Variants in SH3BGR observed in about 807,000 individuals in gnomAD.
SH3BGR encodes SH3 domain-binding glutamic acid-rich protein.
A neutral mutation model predicts 24.5 loss-of-function variants in SH3BGR; 29 were observed. The observed-to-expected ratio is 1.18, with a 90% CI of 0.88 to 1.61. The LOEUF (loss-of-function observed/expected upper bound fraction) is 1.61, where lower values mean the gene tolerates loss of function less well. SH3BGR is among the 40% of genes most tolerant of loss of function. SH3BGR has a pLI of 0.00. For synonymous variants in SH3BGR, 55 were observed against 65.7 expected (o/e 0.84, Z 0.79); for missense variants, 162 against 205.8 (o/e 0.79, Z 1.30).
In SH3BGR at chr21:39,515,486, A is replaced by C. The variant is rs1262387633; in HGVS notation, c.*433A>C. 1.9e-5 allele frequency: 3 copies of C among 154,100 alleles called. No individual in the cohort carries two copies. The highest frequency in any genetic ancestry group is 6.5e-5 in the Admixed American group (1 of 15,316). 9.5% of individuals were successfully genotyped at this position (154,100 alleles called of 1,614,324 possible). Reference sequence around the variant, plus strand: ...TGCTTTCCAGAGAACCATCATATAAATAAAGATTAATAGAAAAATATCTTG... The same window carrying C: ...TGCTTTCCAGAGAACCATCATATAACTAAAGATTAATAGAAAAATATCTTG... On this transcript the variant is annotated 3_prime_UTR_variant, in exon 7 of 7. Transcript: ENST00000333634.
At chr21:39,514,559 A>G (rs949735353) in intron 6 of SH3BGR, among the ~76,000 whole-genome samples, 63 of 151,982 alleles carry the variant, frequency 4.1e-4, no homozygotes, top group African/African-American at 1.5e-3. Flanking sequence ...ATGGGGTTTC[A>G]CCATGTTGCC....
chr21:39,495,309 A>C (rs530306227), intron 3 of SH3BGR, among the ~76,000 whole-genome samples: 1 of 152,124 alleles, frequency 6.6e-6, no homozygotes, highest in African/African-American at 2.4e-5. Flanking sequence ...GAGATTCTGT[A>C]TTTTGTTACA....
At chr21:39,488,505 A>G in intron 3 of SH3BGR, 1 of 354,726 alleles carries the variant, frequency 2.8e-6, no homozygotes, top group Non-Finnish European at 4.6e-6. Context: ...TGATGAGATG[A>G]ATGTGAAGGT....
chr21:39,500,766 C>T (rs1345794660), intron 4 of SH3BGR, among the ~76,000 whole-genome samples: 1 of 152,080 alleles, frequency 6.6e-6, no homozygotes, highest in Non-Finnish European at 1.5e-5. Flanking sequence ...TTTATGAGAG[C>T]TGGATCCTCA....
chr21:39,447,577 G>T (rs1011010481), upstream of SH3BGR, among the ~76,000 whole-genome samples: 2 of 151,810 alleles, frequency 1.3e-5, no homozygotes, highest in Non-Finnish European at 2.9e-5. Context: ...CACAACACCC[G>T]GCTAATTCTT....
chr21:39,504,430 C>T (rs1054902009), intron 4 of SH3BGR, among the ~76,000 whole-genome samples: 8 of 152,180 alleles, frequency 5.3e-5, no homozygotes, highest in African/African-American at 1.9e-4. Flanking sequence ...GCCACCTGTT[C>T]CCAGTGAACG....
In SH3BGR at chr21:39,511,049, C is replaced by T. The variant is rs2078683669; in HGVS notation, c.436-631C>T. ...ATAAAACCTGTTAGGATTAACATAT[C>T]ATTCTAAAGCACCATTCTAAATTGA... On this transcript the variant is annotated intron_variant, in intron 5 of 6. Transcript: ENST00000333634. This position sits in a 1 kb window ranked among gnomAD's most constrained non-coding sequence, Gnocchi z 4.2. Among the ~76,000 whole-genome samples the T allele has an allele frequency of 6.7e-6, 1 of 150,054 alleles. No homozygotes were observed. The highest frequency in any genetic ancestry group is 2.4e-5 in the African/African-American group (1 of 40,932).
upstream of SH3BGR, among the ~76,000 whole-genome samples, chr21:39,450,982 T>A (rs1198789964): frequency 6.6e-6 from 1 of 151,986 alleles, no homozygotes; most frequent in Admixed American, 6.6e-5. Flanking sequence ...CTGGCTGTTT[T>A]TTTTTGTGTT....
chr21:39,509,142 C>T lies in SH3BGR; in HGVS notation c.435+115C>T, dbSNP rs1036054006. On this transcript the variant is annotated intron_variant, in intron 5 of 6. Coordinates refer to ENST00000333634, the MANE Select transcript of SH3BGR (RefSeq NM_007341.3). ...AATAACATAAGAGAGCGATGCAACC[C>T]ACACACCCAGAAAATCCTCCTTTAA... 3.7e-5 allele frequency: 27 copies of T among 724,862 alleles called. No homozygotes were observed. In the South Asian group the frequency reaches 5.2e-4, roughly 14 times the overall value. 44.9% of individuals were successfully genotyped at this position (724,862 alleles called of 1,614,324 possible). A position where few individuals can be genotyped will look rare whatever the true frequency, so the allele number is the denominator to read the frequency against.
intron 3 of SH3BGR, chr21:39,488,480 G>T: frequency 3.6e-6 from 1 of 278,468 alleles, no homozygotes; most frequent in East Asian, 8.4e-5. Flanking sequence ...CCAGGTCCTG[G>T]GGGAACCTCA....
intron 6 of SH3BGR, among the ~76,000 whole-genome samples, chr21:39,512,752 A>T (rs1643919845): frequency 6.6e-6 from 1 of 152,140 alleles, no homozygotes; most frequent in Non-Finnish European, 1.5e-5. Flanking sequence ...AGATTGCACC[A>T]CTGCACTCCA....
At chr21:39,500,398 C>G (rs2078473885) in intron 4 of SH3BGR, among the ~76,000 whole-genome samples, 1 of 152,060 alleles carries the variant, frequency 6.6e-6, no homozygotes. Context: ...AATTTAAGTT[C>G]AATCAGGGAA....
intron 3 of SH3BGR, among the ~76,000 whole-genome samples, chr21:39,496,458 C>T (rs1280459856): frequency 2.0e-5 from 3 of 149,650 alleles, no homozygotes; most frequent in African/African-American, 7.4e-5. Context: ...CGAGATTGCG[C>T]CACCGCAGTC....
intron 3 of SH3BGR, among the ~76,000 whole-genome samples, chr21:39,483,293 A>AAAAAT (rs769796296): frequency 9.2e-5 from 14 of 152,212 alleles, no homozygotes; most frequent in Non-Finnish European, 1.6e-4. Flanking sequence ...TTTCAGCAAC[A>AAAAAT]AAAATAAAAT....
At chr21:39,509,108 C>A in intron 5 of SH3BGR, 81 bp downstream of exon 5, 1 of 1,154,726 alleles carries the variant, frequency 8.7e-7, no homozygotes. Flanking sequence ...CAGCTTGAGG[C>A]ACGTTCTTAA....
At chr21:39,457,288 AT>A (rs2077673411) in intron 1 of SH3BGR, among the ~76,000 whole-genome samples, 1 of 134,910 alleles carries the variant, frequency 7.4e-6, no homozygotes, top group Non-Finnish European at 1.6e-5. Context: ...ATATAAGATT[AT>A]TATAATATAG....
At chr21:39,502,309 T>C (rs2078508428) in intron 4 of SH3BGR, among the ~76,000 whole-genome samples, 1 of 152,188 alleles carries the variant, frequency 6.6e-6, no homozygotes. Flanking sequence ...AACATTGATT[T>C]TGAAAGTATG....
At chr21:39,470,051 C>T (rs1282909368) in intron 2 of SH3BGR, among the ~76,000 whole-genome samples, 2 of 151,950 alleles carry the variant, frequency 1.3e-5, no homozygotes, top group African/African-American at 4.8e-5. Flanking sequence ...TTTGGAGTTT[C>T]TTCTACTTTA....
chr21:39,498,452 A>G (rs1201871443), intron 3 of SH3BGR, among the ~76,000 whole-genome samples: 1 of 152,158 alleles, frequency 6.6e-6, no homozygotes. Context: ...TTCTGCCTTT[A>G]TTTTCCTGTC....
Sources: allele counts gnomAD v4.1 joint callset (sites outside exome capture counted in the v4.1 genomes callset), GRCh38; gene constraint gnomAD v4.1.1; non-coding constraint Gnocchi (gnomAD v3.1); transcripts MANE v1.5; gene names NCBI Gene and HGNC (gene_info 2026-07-23, HGNC 2026-07-21).